The following INPP4B variants were observed in gnomAD, a reference collection of about 807,000 sequenced individuals.
INPP4B encodes inositol polyphosphate-4-phosphatase type II B.
In INPP4B, 55 loss-of-function variants were observed where a neutral mutation model predicts 122.5. The observed-to-expected ratio is 0.45, with a 90% CI of 0.36 to 0.56. INPP4B has a LOEUF of 0.56. Among genes scored for constraint, INPP4B ranks in the 20% least tolerant of loss-of-function variants. The pLI is 0.00. For missense variants in INPP4B, 1,000 were observed against 1,097.7 expected (o/e 0.91, Z 1.26); for synonymous variants, 403 against 388.7 (o/e 1.04, Z -0.43).
intron 2 of INPP4B, among the ~76,000 whole-genome samples, chr4:142,604,406 G>A (rs1740759633): frequency 1.3e-5 from 2 of 152,006 alleles, no homozygotes; most frequent in Non-Finnish European, 2.9e-5. Flanking sequence ...GAAATAAAAA[G>A]CATCCAAATT....
chr4:142,745,346 A>G (rs993738050), intron 1 of INPP4B, among the ~76,000 whole-genome samples: 11 of 151,912 alleles, frequency 7.2e-5, no homozygotes, highest in African/African-American at 2.7e-4. Flanking sequence ...ATGTAAACAG[A>G]GAGAGAAATG....
chr4:142,528,907 G>A (rs1827255256), intron 2 of INPP4B, among the ~76,000 whole-genome samples: 1 of 152,068 alleles, frequency 6.6e-6, no homozygotes. Flanking sequence ...GAAAATAATG[G>A]ACTGTGTTTG....
In INPP4B at chr4:142,305,554, G is replaced by A. The variant is rs1257290323; in HGVS notation, c.424-17C>T. On this transcript the variant is annotated splice_polypyrimidine_tract_variant and intron_variant, in intron 8 of 25. Coordinates refer to ENST00000262992, the MANE Select transcript of INPP4B (RefSeq NM_001101669.3). ...GAAACTTCGCTGAAAATAACAGAAA[G>A]AATGGTTTCATTAACTTGAGGTTCT... 2 of 1,604,314 alleles carry A rather than the reference G, an allele frequency of 1.2e-6. No homozygotes were observed. The highest frequency in any genetic ancestry group is 1.7e-6 in the Non-Finnish European group (2 of 1,175,250).
intron 2 of INPP4B, among the ~76,000 whole-genome samples, chr4:142,628,557 TAAAAAA>T: frequency 1.0e-5 from 1 of 99,890 alleles, no homozygotes; most frequent in South Asian, 3.4e-4. Context: ...AAACTTAAAG[TAAAAAA>T]AAAAAAAAAA....
chr4:142,096,674 C>T (rs1425506596), intron 23 of INPP4B, among the ~76,000 whole-genome samples: 2 of 152,006 alleles, frequency 1.3e-5, no homozygotes, highest in East Asian at 3.8e-4. Flanking sequence ...GCATTAAAAA[C>T]TTCAAAAGAT....
chr4:142,263,639 A>AATATAT (rs36227189), intron 10 of INPP4B, among the ~76,000 whole-genome samples: 636 of 41,706 alleles, frequency 0.015, 33 homozygotes, highest in Middle Eastern at 0.038. Context: ...AAATTCGTAA[A>AATATAT]ATATATATAT....
chr4:142,109,033 T>C (rs1788649075), intron 22 of INPP4B, among the ~76,000 whole-genome samples: 1 of 152,122 alleles, frequency 6.6e-6, no homozygotes, highest in Admixed American at 6.6e-5. Flanking sequence ...ATGTCCCCAA[T>C]ATTTTGGCAT....
intron 15 of INPP4B, among the ~76,000 whole-genome samples, chr4:142,183,600 G>T (rs1831835384): frequency 6.6e-6 from 1 of 152,008 alleles, no homozygotes; most frequent in Non-Finnish European, 1.5e-5. Flanking sequence ...TTGCAATGAT[G>T]ACTATTAAAT....
At chr4:142,405,369 A>G (rs946920912) in intron 5 of INPP4B, 45 bp from the exon 6 acceptor site, 1 of 1,172,396 alleles carries the variant, frequency 8.5e-7, no homozygotes, top group Non-Finnish European at 1.3e-6. Flanking sequence ...CTAACACCAT[A>G]TCTCAGGGAA....
chr4:142,285,597 G>A (rs778552070), intron 9 of INPP4B, among the ~76,000 whole-genome samples: 4 of 147,656 alleles, frequency 2.7e-5, no homozygotes, highest in African/African-American at 1.0e-4. Flanking sequence ...CACTTGGCAG[G>A]GTTGCAGGGA....
intron 2 of INPP4B, among the ~76,000 whole-genome samples, chr4:142,719,523 G>A (rs960841348): frequency 6.6e-6 from 1 of 151,618 alleles, no homozygotes; most frequent in African/African-American, 2.4e-5. Flanking sequence ...GGGGTTTCGC[G>A]ATGTTGCCCA....
chr4:142,633,022 G>A (rs1007719709), intron 2 of INPP4B, among the ~76,000 whole-genome samples: 5 of 151,638 alleles, frequency 3.3e-5, no homozygotes, highest in African/African-American at 9.7e-5. Context: ...AAACTATATG[G>A]ACAAAGAAAA....
At chr4:142,337,368 A>T (rs188354851) in intron 7 of INPP4B, among the ~76,000 whole-genome samples, 51 of 151,960 alleles carry the variant, frequency 3.4e-4, no homozygotes, top group African/African-American at 1.2e-3. Flanking sequence ...TTACATCTAT[A>T]ACTGGGCTGG....
chr4:142,700,228 T>G (rs1238469673), intron 2 of INPP4B, among the ~76,000 whole-genome samples: 1 of 152,142 alleles, frequency 6.6e-6, no homozygotes, highest in Admixed American at 6.5e-5. Flanking sequence ...AAAAACCTAG[T>G]GTCACAATAA....
intron 11 of INPP4B, among the ~76,000 whole-genome samples, chr4:142,241,390 C>G (rs1291812157): frequency 6.6e-6 from 1 of 152,102 alleles, no homozygotes; most frequent in Admixed American, 6.5e-5. Flanking sequence ...ACACATTCCC[C>G]TTGAGGTCCA....
chr4:142,184,229 TGTTAAA>T (rs1444334315), intron 15 of INPP4B, among the ~76,000 whole-genome samples: 1 of 152,144 alleles, frequency 6.6e-6, no homozygotes, highest in African/African-American at 2.4e-5. Context: ...AACTTGGAGG[TGTTAAA>T]GTCACTATTG....
chr4:142,334,898 T>G (rs1226488465), intron 7 of INPP4B, among the ~76,000 whole-genome samples: 1 of 152,070 alleles, frequency 6.6e-6, no homozygotes, highest in Non-Finnish European at 1.5e-5. Context: ...TTTGCAAATA[T>G]TTTTCCAGTT....
intron 2 of INPP4B, among the ~76,000 whole-genome samples, chr4:142,624,971 G>T (rs1478998522): frequency 6.6e-6 from 1 of 151,456 alleles, no homozygotes; most frequent in Non-Finnish European, 1.5e-5. Context: ...AGGTATTGAT[G>T]GGATGTATCT....
intron 9 of INPP4B, among the ~76,000 whole-genome samples, chr4:142,303,731 C>G (rs976872023): frequency 6.6e-6 from 1 of 152,006 alleles, no homozygotes; most frequent in Non-Finnish European, 1.5e-5. Context: ...AAAGTCAATT[C>G]TTCGTTGTTG....
Sources: allele counts gnomAD v4.1 joint callset (sites outside exome capture counted in the v4.1 genomes callset), GRCh38; gene constraint gnomAD v4.1.1; transcripts MANE v1.5; gene names NCBI Gene and HGNC (gene_info 2026-07-23, HGNC 2026-07-21).